EPHA6: variants seen among roughly 807,000 people sequenced by gnomAD.
The protein encoded by EPHA6 is EPH receptor A6.
A neutral mutation model predicts 112.0 loss-of-function variants in EPHA6; 50 were observed. The observed-to-expected ratio is 0.45, with a 90% CI of 0.36 to 0.56. EPHA6 has a LOEUF of 0.56. Ranked by LOEUF, EPHA6 falls within the 20% of genes least tolerant of loss-of-function variation. EPHA6 has a pLI of 0.00. For missense variants in EPHA6, 1,280 were observed against 1,417.4 expected (o/e 0.90, Z 1.56); for synonymous variants, 529 against 490.7 (o/e 1.08, Z -1.03).
At chr3:97,061,789 G>A (rs9834854) in intron 3 of EPHA6, among the ~76,000 whole-genome samples, 21,684 of 151,984 alleles carry the variant, frequency 0.14, 2,704 homozygotes, top group African/African-American at 0.34. Context: ...TCATTTAACA[G>A]CTGCTGAAAC....
intron 3 of EPHA6, among the ~76,000 whole-genome samples, chr3:97,118,623 T>A (rs1190174414): frequency 6.6e-6 from 1 of 151,924 alleles, no homozygotes; most frequent in African/African-American, 2.4e-5. Flanking sequence ...GAGGACCTAC[T>A]AGGATCCATT....
intron 2 of EPHA6, among the ~76,000 whole-genome samples, chr3:96,951,712 G>A (rs115118866): frequency 0.014 from 2,195 of 152,210 alleles, 59 homozygotes; most frequent in African/African-American, 0.05. Context: ...AAATCAGAGT[G>A]CCGAGGCTGT....
chr3:97,016,113 C>T (rs371188808), intron 3 of EPHA6, among the ~76,000 whole-genome samples: 145 of 150,538 alleles, frequency 9.6e-4, no homozygotes, highest in African/African-American at 3.4e-3. Flanking sequence ...GTGAATGAAA[C>T]ATTGAAGATA....
At chr3:97,075,769 A>T (rs1335301373) in intron 3 of EPHA6, among the ~76,000 whole-genome samples, 1 of 151,710 alleles carries the variant, frequency 6.6e-6, no homozygotes, top group Admixed American at 6.6e-5. Flanking sequence ...CGTTGGCTCA[A>T]TTTTTCAATA....
intron 3 of EPHA6, among the ~76,000 whole-genome samples, chr3:97,007,515 G>T (rs536547596): frequency 1.6e-4 from 24 of 151,690 alleles, no homozygotes; most frequent in African/African-American, 5.8e-4. Flanking sequence ...ACACAAGATG[G>T]GTCTCCTGAA....
intron 11 of EPHA6, among the ~76,000 whole-genome samples, chr3:97,539,030 T>TCTTTCTTGCTTTCTTG (rs894963306): frequency 8.9e-5 from 13 of 145,630 alleles, no homozygotes; most frequent in African/African-American, 2.7e-4. Flanking sequence ...TTTCTTTCTT[T>TCTTTCTTGCTTTCTTG]CTTTCTTGCT....
chr3:97,154,377 T>C (rs933306460), intron 3 of EPHA6, among the ~76,000 whole-genome samples: 8 of 152,190 alleles, frequency 5.3e-5, no homozygotes, highest in Non-Finnish European at 8.8e-5. Flanking sequence ...TAATTATATA[T>C]ACTTGTGAGG....
At chr3:97,314,625 G>A (rs887275188) in intron 5 of EPHA6, among the ~76,000 whole-genome samples, 2 of 151,616 alleles carry the variant, frequency 1.3e-5, no homozygotes, top group South Asian at 2.1e-4. Flanking sequence ...TACAAGACAG[G>A]TAACATTTTT....
intron 2 of EPHA6, among the ~76,000 whole-genome samples, chr3:96,889,313 C>T (rs925651432): frequency 1.7e-4 from 26 of 152,154 alleles, no homozygotes; most frequent in African/African-American, 6.0e-4. Flanking sequence ...CAGCAACACC[C>T]CACTCTACAG....
intron 3 of EPHA6, among the ~76,000 whole-genome samples, chr3:97,225,631 C>T (rs2078332742): frequency 1.3e-5 from 2 of 151,952 alleles, no homozygotes; most frequent in African/African-American, 2.4e-5. Context: ...TATTGAATAA[C>T]CAACCTCTTG....
chr3:97,445,884 GA>G (rs1446313285), intron 6 of EPHA6, among the ~76,000 whole-genome samples: 2 of 152,112 alleles, frequency 1.3e-5, no homozygotes, highest in African/African-American at 4.8e-5. Context: ...TAGCTAAGTT[GA>G]AGATTTACGT....
At chr3:97,272,229 C>G (rs1042379575) in intron 5 of EPHA6, among the ~76,000 whole-genome samples, 1 of 152,082 alleles carries the variant, frequency 6.6e-6, no homozygotes, top group Non-Finnish European at 1.5e-5. Flanking sequence ...TAATGTCCTC[C>G]AGGTTCAGCC....
intron 9 of EPHA6, among the ~76,000 whole-genome samples, chr3:97,482,619 A>C (rs980379546): frequency 1.3e-5 from 2 of 152,226 alleles, no homozygotes; most frequent in Non-Finnish European, 2.9e-5. Flanking sequence ...TAGAAGGACT[A>C]AGGAAGCAAA....
intron 11 of EPHA6, among the ~76,000 whole-genome samples, chr3:97,572,185 C>T (rs1449857236): frequency 7.3e-6 from 1 of 136,186 alleles, no homozygotes; most frequent in African/African-American, 2.8e-5. Context: ...GAGTCTCGCT[C>T]TGTCGCCCAG....
chr3:97,738,644 A>G (rs545469886), intron 16 of EPHA6, among the ~76,000 whole-genome samples: 2 of 152,196 alleles, frequency 1.3e-5, no homozygotes, highest in East Asian at 3.9e-4. Context: ...TGGGCTGTTC[A>G]GCAATCCAGC....
intron 5 of EPHA6, among the ~76,000 whole-genome samples, chr3:97,400,492 T>C (rs1318978593): frequency 6.6e-6 from 1 of 151,712 alleles, no homozygotes; most frequent in Non-Finnish European, 1.5e-5. Flanking sequence ...ATAGGGGTGG[T>C]ATGGAATCTA....
intron 2 of EPHA6, among the ~76,000 whole-genome samples, chr3:96,879,079 T>C (rs1012192801): frequency 6.6e-6 from 1 of 152,080 alleles, no homozygotes; most frequent in African/African-American, 2.4e-5. Flanking sequence ...TTGTCTATTA[T>C]TAGGTTTAAG....
Position 97,324,541 on chromosome 3 carries a change from C to CTCTCTT in EPHA6, c.1606+80258_1606+80263dup, listed in dbSNP as rs1318033462. 1.3e-3 allele frequency among the ~76,000 whole-genome samples: 197 copies of CTCTCTT among 148,670 alleles called. 7 individuals carry two copies. Among genetic ancestry groups the CTCTCTT allele is most frequent in the African/African-American group, 4.6e-3 (187 of 40,382 alleles). On this transcript the variant is annotated intron_variant, in intron 5 of 17. Transcript: ENST00000389672. ...TCTTTCTTTCTTTCTTTCTCTCTTT[C>CTCTCTT]TCTCTTTCTTTCTTTCGATGGAGCT...
rs368002096 is a variant in EPHA6, at chr3:97,012,607, G to GTGTGTATA, written c.1114+24615_1114+24616insGTGTATAT. Among the ~76,000 whole-genome samples the GTGTGTATA allele has an allele frequency of 3.5e-3, 457 of 132,082 alleles. 2 individuals are homozygous for GTGTGTATA. Among genetic ancestry groups the GTGTGTATA allele is most frequent in the African/African-American group, 0.014 (442 of 31,970 alleles). The allele number at this position is 132,082 out of a possible 152,430, so 86.7% of individuals were successfully genotyped here. On this transcript the variant is annotated intron_variant, in intron 3 of 17. Transcript: ENST00000389672. ...TATATGTGTGTGTGTGTGTGTGTGT[G>GTGTGTATA]TATATATATATATATGTATTTTTTT...
Sources: gnomAD v4.1 joint callset for allele counts (sites outside exome capture counted in the v4.1 genomes callset) on GRCh38, gnomAD v4.1.1 for gene constraint, MANE v1.5 for transcripts, NCBI Gene and HGNC (gene_info 2026-07-23, HGNC 2026-07-21) for gene names.